CALN1: variants seen among roughly 807,000 people sequenced by gnomAD.
The protein encoded by CALN1 is calneuron 1.
CALN1 carries 17 observed loss-of-function variants against 30.6 expected under a neutral mutation model. The observed-to-expected ratio is 0.56, with a 90% CI of 0.38 to 0.83. The LOEUF is 0.83. Among genes scored for constraint, CALN1 ranks in the 40% least tolerant of loss-of-function variants. CALN1 has a pLI of 0.00. For missense variants in CALN1, 291 were observed against 354.9 expected (o/e 0.82, Z 1.45); for synonymous variants, 156 against 131.4 (o/e 1.19, Z -1.28).
chr7:71,825,220 G>C (rs916997507), intron 5 of CALN1, among the ~76,000 whole-genome samples: 1 of 152,156 alleles, frequency 6.6e-6, no homozygotes, highest in South Asian at 2.1e-4. Flanking sequence ...GGTATGGTTT[G>C]GCTGTGTCCC....
At chr7:72,456,946 A>G in the CALN1 span, among the ~76,000 whole-genome samples, 2 of 152,136 alleles carry the variant, frequency 1.3e-5, no homozygotes, top group South Asian at 4.1e-4. Context: ...GGAAACTTGA[A>G]CAAGGGTATA....
At chr7:71,993,520 A>G (rs1178419794) in intron 5 of CALN1, among the ~76,000 whole-genome samples, 1 of 150,748 alleles carries the variant, frequency 6.6e-6, no homozygotes, top group South Asian at 2.1e-4. Flanking sequence ...GCAGTGGTAC[A>G]ATCTCGGCTC....
the CALN1 span, among the ~76,000 whole-genome samples, chr7:72,498,665 C>A: frequency 6.6e-6 from 1 of 151,906 alleles, no homozygotes; most frequent in Non-Finnish European, 1.5e-5. Context: ...ATCTTTACCA[C>A]GAGAAGTGCT....
intron 2 of CALN1, among the ~76,000 whole-genome samples, chr7:72,331,754 G>C (rs574166873): frequency 6.6e-6 from 1 of 152,168 alleles, no homozygotes; most frequent in African/African-American, 2.4e-5. Flanking sequence ...TTGTTACACA[G>C]GTAAATGTGT....
chr7:71,892,732 G>C (rs1187620202), intron 5 of CALN1, among the ~76,000 whole-genome samples: 3 of 152,210 alleles, frequency 2.0e-5, no homozygotes, highest in African/African-American at 4.8e-5. Flanking sequence ...AGTAAACAGA[G>C]GGGCTTACAA....
chr7:72,182,194 A>G (rs185349700), intron 3 of CALN1, among the ~76,000 whole-genome samples: 7 of 152,314 alleles, frequency 4.6e-5, no homozygotes, highest in Non-Finnish European at 8.8e-5. Context: ...CAGGGAGCAG[A>G]CGCAGCTGGA....
intron 4 of CALN1, among the ~76,000 whole-genome samples, chr7:72,038,251 G>A (rs929634310): frequency 6.6e-6 from 1 of 152,158 alleles, no homozygotes; most frequent in African/African-American, 2.4e-5. Flanking sequence ...TGGGGAATGG[G>A]GAGCTGCCTT....
intron 2 of CALN1, among the ~76,000 whole-genome samples, chr7:72,292,251 G>A (rs928689913): frequency 2.0e-5 from 3 of 151,790 alleles, no homozygotes; most frequent in Non-Finnish European, 4.4e-5. Context: ...AAATCAGGGT[G>A]CCAGCTTGAT....
chr7:72,080,294 G>A (rs958655815), intron 4 of CALN1, among the ~76,000 whole-genome samples: 12 of 152,110 alleles, frequency 7.9e-5, no homozygotes, highest in African/African-American at 2.9e-4. Flanking sequence ...CCTTATCTTT[G>A]GGGAAGTGGA....
chr7:72,052,618 A>T (rs1250645641), intron 4 of CALN1, among the ~76,000 whole-genome samples: 1 of 152,144 alleles, frequency 6.6e-6, no homozygotes, highest in African/African-American at 2.4e-5. Context: ...GTGAACATGA[A>T]AACCACCGGG....
In CALN1 at chr7:72,092,402, T is replaced by C. The variant is rs114439914; in HGVS notation, c.388+13749A>G. ...CCAGAATCACTTAAAAAGTAAGCTG[T>C]TCTCTTTTTAAGGGTACAAAATTTA... is the stretch of plus-strand genomic sequence containing the variant. On this transcript the variant is annotated intron_variant, in intron 4 of 6. Transcript: ENST00000395275. 8.5e-3 allele frequency among the ~76,000 whole-genome samples: 1,289 copies of C among 152,046 alleles called. 25 individuals are homozygous for C. The highest frequency in any genetic ancestry group is 0.029 in the African/African-American group (1,210 of 41,480).
chr7:71,905,879 G>A (rs1380063952), intron 5 of CALN1, among the ~76,000 whole-genome samples: 1 of 152,300 alleles, frequency 6.6e-6, no homozygotes. Flanking sequence ...GTTCCACATG[G>A]CTGAGGAGGC....
In CALN1 at chr7:72,218,000, G is replaced by A. The variant is rs369625228; in HGVS notation, c.244+60686C>T. Among the ~76,000 whole-genome samples the A allele has an allele frequency of 1.6e-4, 24 of 151,266 alleles. No individual in the cohort carries two copies. The South Asian group carries it at 1.9e-3, about 12-fold the overall frequency. On this transcript the variant is annotated intron_variant, in intron 3 of 6. Coordinates refer to ENST00000395275, the MANE Select transcript of CALN1 (RefSeq NM_031468.4). Reference sequence around the variant, plus strand: ...TGGGACTACAGGTGCCTGCCACTGCGCCCAGATAGTTTTTTGTACTTTTAG... The same window carrying A: ...TGGGACTACAGGTGCCTGCCACTGCACCCAGATAGTTTTTTGTACTTTTAG...
intron 4 of CALN1, among the ~76,000 whole-genome samples, chr7:72,076,620 A>C (rs1584892184): frequency 3.1e-5 from 3 of 98,202 alleles, no homozygotes; most frequent in Admixed American, 1.1e-4. Context: ...GCAAAAAAAA[A>C]AAAAAAAAAA....
At chr7:71,852,400 G>A (rs1384850647) in intron 5 of CALN1, among the ~76,000 whole-genome samples, 1 of 150,964 alleles carries the variant, frequency 6.6e-6, no homozygotes, top group African/African-American at 2.4e-5. Context: ...ACTTCCAGGA[G>A]CTAAGTGGGG....
rs151249973 is a variant in CALN1, at chr7:72,130,500, A to G, written c.245-24206T>C. Among the ~76,000 whole-genome samples the G allele has an allele frequency of 4.6e-3, 698 of 152,222 alleles. 7 individuals carry two copies. The highest frequency in any genetic ancestry group is 7.8e-3 in the Non-Finnish European group (529 of 68,020). ...GCTGCCTTCCAATGTGCTTGTAAAT[A>G]TTAGGTTGGTGCAAAAGTAATTGTG... is the stretch of plus-strand genomic sequence containing the variant. On this transcript the variant is annotated intron_variant, in intron 3 of 6. Coordinates refer to ENST00000395275, the MANE Select transcript of CALN1 (RefSeq NM_031468.4).
chr7:72,133,562 C>T (rs1028886724), intron 3 of CALN1, among the ~76,000 whole-genome samples: 2 of 152,106 alleles, frequency 1.3e-5, no homozygotes, highest in African/African-American at 2.4e-5. Flanking sequence ...CACTAATGGA[C>T]GCTAAACCTA....
At chr7:72,282,348 ATCTT>A (rs1797783464) in intron 2 of CALN1, among the ~76,000 whole-genome samples, 1 of 152,234 alleles carries the variant, frequency 6.6e-6, no homozygotes, top group South Asian at 2.1e-4. Flanking sequence ...CATGAAAACA[ATCTT>A]TCTGTGTTTT....
chr7:72,342,472 T>A (rs1165173704), intron 2 of CALN1, among the ~76,000 whole-genome samples: 6 of 152,132 alleles, frequency 3.9e-5, no homozygotes, highest in South Asian at 2.1e-4. Flanking sequence ...CCAAAGAAAA[T>A]CTTTTACCAA....
Sources: allele counts gnomAD v4.1 joint callset (sites outside exome capture counted in the v4.1 genomes callset), GRCh38; gene constraint gnomAD v4.1.1; transcripts MANE v1.5; gene names NCBI Gene and HGNC (gene_info 2026-07-23, HGNC 2026-07-21).